The following PPM1L variants were observed in gnomAD, a reference collection of about 807,000 sequenced individuals.
PPM1L encodes the protein protein phosphatase, Mg2+/Mn2+ dependent 1L.
In PPM1L, 13 loss-of-function variants were observed where a neutral mutation model predicts 31.4. The ratio of observed to expected loss-of-function variants is 0.41; its 90% CI spans 0.27 to 0.66. The LOEUF (loss-of-function observed/expected upper bound fraction) is 0.66, where lower values mean the gene tolerates loss of function less well. Among genes scored for constraint, PPM1L ranks in the 30% least tolerant of loss-of-function variants. The pLI, the probability that PPM1L is intolerant of heterozygous loss-of-function variation, is 0.29. For missense variants in PPM1L, 326 were observed against 453.7 expected, an observed-to-expected ratio of 0.72 and a Z score of 2.56; for synonymous variants, 184 against 175.4, an observed-to-expected ratio of 1.05 and a Z score of -0.39.
chr3:161,049,732 C>G (rs1719210122), intron 2 of PPM1L, among the ~76,000 whole-genome samples: 1 of 152,040 alleles, frequency 6.6e-6, no homozygotes, highest in African/African-American at 2.4e-5. Flanking sequence ...CCCATTGTAG[C>G]TGTTTAGTTA....
intron 2 of PPM1L, among the ~76,000 whole-genome samples, chr3:160,978,953 G>T (rs1044928251): frequency 4.6e-5 from 7 of 151,856 alleles, no homozygotes; most frequent in Non-Finnish European, 2.9e-5. Flanking sequence ...TCTCTATGTT[G>T]GACATACTCT....
intron 1 of PPM1L, among the ~76,000 whole-genome samples, chr3:160,787,121 G>C (rs982073572): frequency 6.6e-6 from 1 of 152,158 alleles, no homozygotes; most frequent in Non-Finnish European, 1.5e-5. Context: ...TATATACCAA[G>C]TAATGGGATT....
intron 1 of PPM1L, among the ~76,000 whole-genome samples, chr3:160,852,571 C>T (rs766342916): frequency 5.3e-5 from 8 of 152,082 alleles, no homozygotes; most frequent in Non-Finnish European, 1.5e-5. Context: ...AACCATATAA[C>T]CCAAATACAA....
At chr3:160,970,870 G>A (rs1282100376) in intron 2 of PPM1L, among the ~76,000 whole-genome samples, 1 of 141,428 alleles carries the variant, frequency 7.1e-6, no homozygotes, top group South Asian at 2.2e-4. Context: ...GCTCACTGCA[G>A]GCTCCGCCCC....
At chr3:160,762,326 C>G (rs1714990759) in intron 1 of PPM1L, among the ~76,000 whole-genome samples, 1 of 152,018 alleles carries the variant, frequency 6.6e-6, no homozygotes. Flanking sequence ...CAATGAAACC[C>G]TCCTTCCTAT....
At chr3:161,030,230 GA>G (rs1194985959) in intron 2 of PPM1L, among the ~76,000 whole-genome samples, 1 of 152,178 alleles carries the variant, frequency 6.6e-6, no homozygotes, top group African/African-American at 2.4e-5. Context: ...AAGGATTAGT[GA>G]CCTTATGAAA....
intron 1 of PPM1L, among the ~76,000 whole-genome samples, chr3:160,805,942 T>A (rs1712590091): frequency 6.6e-6 from 1 of 152,148 alleles, no homozygotes; most frequent in South Asian, 2.1e-4. Context: ...ATGTCAATAT[T>A]GAGCCCATAT....
At position 160,989,997 on chromosome 3, in the gene PPM1L, G is replaced by GTTTTGTT. The variant is rs1001266343; in HGVS notation, c.574+28090_574+28096dup. ...CGTTGTTTTTGTTTTGTTTTGTTTT[G>GTTTTGTT]TTTTGTTTTGTTTTTGAGACAAGAT... On this transcript the variant is annotated intron_variant, in intron 2 of 3. Transcript: ENST00000498165. 6.5e-4 allele frequency among the ~76,000 whole-genome samples: 98 copies of GTTTTGTT among 150,616 alleles called. 1 individual carries two copies. The East Asian group carries it at 0.018, about 27-fold the overall frequency.
In PPM1L at chr3:160,916,642, T is replaced by G. The variant is rs116747765; in HGVS notation, c.400-45094T>G. On this transcript the variant is annotated intron_variant, in intron 1 of 3. Transcript: ENST00000498165. ...TCTGCAATCTACTTAAAAAAAATTT[T>G]TTTTAAGATAGCTGCTAGATGAGTG... 6.6e-3 allele frequency among the ~76,000 whole-genome samples: 1,007 copies of G among 152,332 alleles called. 19 individuals carry two copies. Among genetic ancestry groups the G allele is most frequent in the East Asian group, 0.053 (277 of 5,184 alleles).
Position 160,792,181 on chromosome 3 carries a change from G to A in PPM1L, c.399+35474G>A, listed in dbSNP as rs116840521. 2.8e-3 allele frequency among the ~76,000 whole-genome samples: 425 copies of A among 152,216 alleles called. 2 individuals carry two copies. The highest frequency in any genetic ancestry group is 9.3e-3 in the African/African-American group (385 of 41,544). ...AAAAGTCAAAGTGAGGCTAAGACAC[G>A]TAACTAATTTTTTGGGTTAGCTAAT... On this transcript the variant is annotated intron_variant, in intron 1 of 3. Coordinates refer to ENST00000498165, the MANE Select transcript of PPM1L (RefSeq NM_139245.4).
At chr3:160,780,026 C>CT (rs533052521) in intron 1 of PPM1L, among the ~76,000 whole-genome samples, 116 of 145,430 alleles carry the variant, frequency 8.0e-4, no homozygotes, top group South Asian at 2.4e-3. Flanking sequence ...TAAATGCTAG[C>CT]TTTTTTTTTT....
intron 1 of PPM1L, among the ~76,000 whole-genome samples, chr3:160,950,977 T>A (rs902987507): frequency 6.6e-6 from 1 of 152,236 alleles, no homozygotes; most frequent in Non-Finnish European, 1.5e-5. Context: ...TAATTAACCA[T>A]AATTTTCTCT....
intron 1 of PPM1L, among the ~76,000 whole-genome samples, chr3:160,891,910 G>A (rs777589151): frequency 4.6e-5 from 7 of 152,016 alleles, no homozygotes; most frequent in Non-Finnish European, 7.4e-5. Context: ...AAAACCAAAC[G>A]CCACATGTTC....
intron 1 of PPM1L, among the ~76,000 whole-genome samples, chr3:160,799,863 A>G (rs1464821439): frequency 6.6e-6 from 1 of 151,972 alleles, no homozygotes; most frequent in Non-Finnish European, 1.5e-5. Flanking sequence ...GGTTTTTCTC[A>G]ATGCTTCTCA....
chr3:160,810,940 A>C (rs1712785771), intron 1 of PPM1L, among the ~76,000 whole-genome samples: 1 of 152,202 alleles, frequency 6.6e-6, no homozygotes, highest in African/African-American at 2.4e-5. Flanking sequence ...ATTTTCTGTA[A>C]TTTCAAATAA....
chr3:160,783,461 G>A (rs1413711155), intron 1 of PPM1L, among the ~76,000 whole-genome samples: 3 of 151,862 alleles, frequency 2.0e-5, no homozygotes, highest in Non-Finnish European at 2.9e-5. Flanking sequence ...TTAGCCGGGC[G>A]TGGTGGCGGG....
chr3:160,766,846 G>A (rs985609106), intron 1 of PPM1L, among the ~76,000 whole-genome samples: 1 of 149,668 alleles, frequency 6.7e-6, no homozygotes, highest in African/African-American at 2.5e-5. Context: ...GGAGGGCCTT[G>A]ATACTCGAGT....
intron 2 of PPM1L, among the ~76,000 whole-genome samples, chr3:160,973,729 G>T (rs1716433531): frequency 7.9e-6 from 1 of 126,462 alleles, no homozygotes; most frequent in Admixed American, 8.4e-5. Flanking sequence ...GACACTTTAA[G>T]AATTCATCTG....
chr3:161,039,434 T>G (rs1229662417), intron 2 of PPM1L, among the ~76,000 whole-genome samples: 1 of 152,184 alleles, frequency 6.6e-6, no homozygotes, highest in Non-Finnish European at 1.5e-5. Context: ...GGGGCGTGTA[T>G]TTTTTCATCC....
Sources: gnomAD v4.1 joint callset for allele counts (sites outside exome capture counted in the v4.1 genomes callset) on GRCh38, gnomAD v4.1.1 for gene constraint, MANE v1.5 for transcripts, NCBI Gene and HGNC (gene_info 2026-07-23, HGNC 2026-07-21) for gene names.